Variants in ZNF385D observed in about 807,000 individuals in gnomAD.
The protein encoded by ZNF385D is zinc finger protein 659.
In ZNF385D, 15 loss-of-function variants were observed where a neutral mutation model predicts 35.8. That is an observed-to-expected ratio of 0.42 (90% CI 0.28 to 0.64). The LOEUF is 0.64. ZNF385D is among the 30% of genes least tolerant of loss of function. The probability of loss-of-function intolerance (pLI) is 0.23; values close to 1 mark genes in which losing one functional copy is unlikely to be tolerated. For synonymous variants in ZNF385D, 212 were observed against 186.8 expected, an observed-to-expected ratio of 1.13 and a Z score of -1.10; for missense variants, 474 against 494.6, an observed-to-expected ratio of 0.96 and a Z score of 0.39.
At chr3:21,975,436 G>C (rs1282487481) in intron 3 of ZNF385D, among the ~76,000 whole-genome samples, 1 of 151,966 alleles carries the variant, frequency 6.6e-6, no homozygotes, top group South Asian at 2.1e-4. Flanking sequence ...AATAATTAAT[G>C]GGTTCAAATA....
intron 3 of ZNF385D, among the ~76,000 whole-genome samples, chr3:22,079,883 G>C (rs1403530721): frequency 1.3e-5 from 2 of 151,824 alleles, no homozygotes; most frequent in East Asian, 3.9e-4. Context: ...GGTCCTTAGA[G>C]ATTCAAATAT....
At chr3:21,454,716 A>T (rs1371206366) in intron 4 of ZNF385D, among the ~76,000 whole-genome samples, 1 of 152,174 alleles carries the variant, frequency 6.6e-6, no homozygotes, top group African/African-American at 2.4e-5. Context: ...CCTATTCAAC[A>T]TAGTGTTGGA....
intron 3 of ZNF385D, among the ~76,000 whole-genome samples, chr3:22,025,703 A>G (rs531967503): frequency 6.6e-6 from 1 of 152,298 alleles, no homozygotes; most frequent in East Asian, 1.9e-4. Context: ...GGTTTAATGT[A>G]GAGGAAGGGA....
intron 3 of ZNF385D, among the ~76,000 whole-genome samples, chr3:22,089,288 A>T (rs1251699258): frequency 3.3e-5 from 5 of 152,220 alleles, no homozygotes; most frequent in African/African-American, 1.2e-4. Flanking sequence ...TGTAAATATA[A>T]TCCTAATATA....
At chr3:21,785,302 T>C (rs375425010) in intron 3 of ZNF385D, among the ~76,000 whole-genome samples, 7 of 152,198 alleles carry the variant, frequency 4.6e-5, no homozygotes, top group African/African-American at 1.7e-4. Flanking sequence ...TGATTTCATA[T>C]ACATGCACAT....
chr3:22,325,149 C>A (rs1694619488), intron 2 of ZNF385D, among the ~76,000 whole-genome samples: 1 of 152,160 alleles, frequency 6.6e-6, no homozygotes. Flanking sequence ...AATATTACTA[C>A]AATAAATTCT....
intron 3 of ZNF385D, among the ~76,000 whole-genome samples, chr3:21,973,416 C>A (rs1462889878): frequency 6.6e-6 from 1 of 151,884 alleles, no homozygotes; most frequent in Non-Finnish European, 1.5e-5. Context: ...AAGGAACATA[C>A]CTCAACATAA....
intron 3 of ZNF385D, among the ~76,000 whole-genome samples, chr3:22,084,405 C>CA (rs1216920722): frequency 6.6e-6 from 1 of 151,660 alleles, no homozygotes; most frequent in East Asian, 1.9e-4. Flanking sequence ...AAATGGAAAA[C>CA]AAAAAAAGCA....
At chr3:21,576,311 A>C (rs1324608302) in intron 2 of ZNF385D, among the ~76,000 whole-genome samples, 3 of 152,190 alleles carry the variant, frequency 2.0e-5, no homozygotes, top group African/African-American at 7.2e-5. Flanking sequence ...GATGACTTCC[A>C]AGTACTCAGG....
At chr3:21,495,466 T>C (rs1191433888) in intron 4 of ZNF385D, among the ~76,000 whole-genome samples, 2 of 152,060 alleles carry the variant, frequency 1.3e-5, no homozygotes, top group Non-Finnish European at 2.9e-5. Context: ...GGGTAAATAA[T>C]GAAATTAAGG....
chr3:22,252,768 T>C (rs550481549), intron 2 of ZNF385D, among the ~76,000 whole-genome samples: 98 of 152,176 alleles, frequency 6.4e-4, no homozygotes, highest in African/African-American at 2.3e-3. Context: ...ACATAGGCCA[T>C]AAAACATTAG....
At chr3:22,132,378 G>C (rs1232577682) in intron 3 of ZNF385D, among the ~76,000 whole-genome samples, 1 of 152,114 alleles carries the variant, frequency 6.6e-6, no homozygotes, top group Non-Finnish European at 1.5e-5. Flanking sequence ...TCAGAACTGA[G>C]ATAAATACAT....
At chr3:21,694,839 A>T (rs1338899432) in intron 1 of ZNF385D, among the ~76,000 whole-genome samples, 1 of 152,194 alleles carries the variant, frequency 6.6e-6, no homozygotes, top group Non-Finnish European at 1.5e-5. Flanking sequence ...CACTGAGTCT[A>T]ATTAAAACAA....
chr3:22,164,702 G>A (rs954469872), intron 3 of ZNF385D, among the ~76,000 whole-genome samples: 1 of 150,398 alleles, frequency 6.6e-6, no homozygotes, highest in African/African-American at 2.5e-5. Flanking sequence ...GTTGTATAAT[G>A]CTTTAATTAC....
chr3:22,123,815 T>A (rs1918458), intron 3 of ZNF385D, among the ~76,000 whole-genome samples: 1 of 151,502 alleles, frequency 6.6e-6, no homozygotes. Context: ...GGAACTGAGA[T>A]TGCACCACTG....
At chr3:21,474,695 T>C (rs927430368) in intron 4 of ZNF385D, among the ~76,000 whole-genome samples, 1 of 152,152 alleles carries the variant, frequency 6.6e-6, no homozygotes, top group African/African-American at 2.4e-5. Flanking sequence ...TAATTTTGGA[T>C]ACTTAAATAT....
chr3:21,769,938 C>T (rs903481672), intron 3 of ZNF385D, among the ~76,000 whole-genome samples: 8 of 152,018 alleles, frequency 5.3e-5, no homozygotes, highest in Non-Finnish European at 1.0e-4. Context: ...TACCACACAT[C>T]TACAACTATC....
At chr3:21,772,308 CAAT>C (rs1249897538) in intron 3 of ZNF385D, among the ~76,000 whole-genome samples, 2 of 151,698 alleles carry the variant, frequency 1.3e-5, no homozygotes, top group African/African-American at 2.4e-5. Context: ...GAATGGAAGA[CAAT>C]ATTTGCAAAT....
At chr3:22,153,810 G>A (rs893755335) in intron 3 of ZNF385D, among the ~76,000 whole-genome samples, 9 of 152,026 alleles carry the variant, frequency 5.9e-5, no homozygotes, top group Admixed American at 1.3e-4. Context: ...CCTACAAATT[G>A]TGTGGCTGGT....
Sources: gnomAD v4.1 joint callset for allele counts (sites outside exome capture counted in the v4.1 genomes callset) on GRCh38, gnomAD v4.1.1 for gene constraint, MANE v1.5 for transcripts, NCBI Gene and HGNC (gene_info 2026-07-23, HGNC 2026-07-21) for gene names.